Variants in EIF5A2 observed in about 807,000 individuals in gnomAD.
The protein encoded by EIF5A2 is eukaryotic translation initiation factor 5A2.
In EIF5A2, 15 loss-of-function variants were observed where a neutral mutation model predicts 16.4. The ratio of observed to expected loss-of-function variants is 0.92; its 90% CI spans 0.61 to 1.41. The LOEUF is 1.41. Ranked by LOEUF, EIF5A2 falls within the 40% of genes most tolerant of loss-of-function variation. The probability of loss-of-function intolerance (pLI) is 0.00; values close to 1 mark genes in which losing one functional copy is unlikely to be tolerated. For missense variants in EIF5A2, 144 were observed against 189.5 expected, an observed-to-expected ratio of 0.76 and a Z score of 1.41; for synonymous variants, 48 against 61.1, an observed-to-expected ratio of 0.79 and a Z score of 1.00.
rs371604205 is a variant in EIF5A2 at position 170,893,337 on chromosome 3, G to A, written c.*23C>T. The A allele has an allele frequency of 2.7e-4, 430 of 1,611,944 alleles. 1 individual carries two copies. The highest frequency in any genetic ancestry group is 7.0e-4 in the South Asian group (64 of 90,978). ...TCTGCAGTTGATTCAGACATAAACA[G>A]TGTTCATGCCTGATGTTTCCGTTTA... On this transcript the variant is annotated 3_prime_UTR_variant, in exon 5 of 5. Transcript: ENST00000295822.
chr3:170,905,517 C>T (rs35121009), intron 3 of EIF5A2, among the ~76,000 whole-genome samples: 25,736 of 152,140 alleles, frequency 0.17, 2,252 homozygotes, highest in Middle Eastern at 0.25. Flanking sequence ...TACTTTAAGA[C>T]GAAAAGAGAA....
At chr3:170,906,660 C>G (rs1712942234) in intron 3 of EIF5A2, among the ~76,000 whole-genome samples, 1 of 151,998 alleles carries the variant, frequency 6.6e-6, no homozygotes, top group South Asian at 2.1e-4. Context: ...TAAATTAGAA[C>G]AAGAAATATT....
Position 170,890,304 on chromosome 3 carries a change from A to G in EIF5A2, c.*3056T>C, listed in dbSNP as rs1712498041. On this transcript the variant is annotated 3_prime_UTR_variant, in exon 5 of 5. Transcript: ENST00000295822. ...TGCACATGCAAATTGCATTGTAATGAAAAATTGTGTCTCCAAATTTTACAG... is the reference window on the plus strand; with the variant it reads ...TGCACATGCAAATTGCATTGTAATGGAAAATTGTGTCTCCAAATTTTACAG... The G allele has an allele frequency of 6.6e-6, 1 of 152,170 alleles. No individual in the cohort carries two copies. Among genetic ancestry groups the G allele is most frequent in the Non-Finnish European group, 1.5e-5 (1 of 67,986 alleles). 9.4% of individuals were successfully genotyped at this position (152,170 alleles called of 1,614,324 possible).
intron 3 of EIF5A2, among the ~76,000 whole-genome samples, chr3:170,902,317 C>G (rs761997260): frequency 1.9e-4 from 28 of 151,028 alleles, no homozygotes; most frequent in Non-Finnish European, 3.5e-4. Context: ...GGAAGAACTT[C>G]AAGCACTGGA....
chr3:170,899,625 G>A (rs1444792991), intron 3 of EIF5A2, among the ~76,000 whole-genome samples: 4 of 151,746 alleles, frequency 2.6e-5, no homozygotes, highest in African/African-American at 9.7e-5. Context: ...ATGTCAATTT[G>A]TCCCATTACA....
intron 3 of EIF5A2, among the ~76,000 whole-genome samples, chr3:170,895,889 T>C (rs556287744): frequency 6.6e-6 from 1 of 152,348 alleles, no homozygotes; most frequent in South Asian, 2.1e-4. Context: ...TTGCCTAGGC[T>C]GGCCTCGAAC....
At chr3:170,902,006 T>C (rs1236143821) in intron 3 of EIF5A2, among the ~76,000 whole-genome samples, 1 of 152,164 alleles carries the variant, frequency 6.6e-6, no homozygotes, top group Non-Finnish European at 1.5e-5. Context: ...ACCCATCATC[T>C]GACCCATCAA....
At position 170,890,248 on chromosome 3, in the gene EIF5A2, GAACT is replaced by G. The variant is rs1023318458; in HGVS notation, c.*3108_*3111del. 2.0e-5 allele frequency: 3 copies of G among 151,880 alleles called. No individual in the cohort carries two copies. The highest frequency in any genetic ancestry group is 2.9e-5 in the Non-Finnish European group (2 of 67,910). The allele number at this position is 151,880 out of a possible 1,614,324, so 9.4% of individuals were successfully genotyped here. A position where few individuals can be genotyped will look rare whatever the true frequency, so the allele number is the denominator to read the frequency against. On this transcript the variant is annotated 3_prime_UTR_variant, in exon 5 of 5. Transcript: ENST00000295822. ...TTAAGAGTTGGGAGTTTGGAAAAAAGAACTAACATATAAAGTTATGTGCGCACAT... is the reference window on the plus strand; with the variant it reads ...TTAAGAGTTGGGAGTTTGGAAAAAAGAACATATAAAGTTATGTGCGCACAT...
At chr3:170,894,547 G>T in intron 3 of EIF5A2, 124 bp from the exon 4 acceptor site, 1 of 714,960 alleles carries the variant, frequency 1.4e-6, no homozygotes, top group South Asian at 3.4e-5. Context: ...TAATATTCTT[G>T]GTATTTAAAA....
intron 3 of EIF5A2, among the ~76,000 whole-genome samples, chr3:170,900,493 A>G (rs1163675098): frequency 2.0e-5 from 3 of 152,010 alleles, no homozygotes; most frequent in Non-Finnish European, 4.4e-5. Flanking sequence ...AAGCTGTTGT[A>G]CTAAAAAGCA....
intron 2 of EIF5A2, among the ~76,000 whole-genome samples, 187 bp downstream of exon 2, chr3:170,907,454 TA>T (rs1187844118): frequency 6.6e-6 from 1 of 152,204 alleles, no homozygotes; most frequent in African/African-American, 2.4e-5. Context: ...ATGAACATTG[TA>T]AGGGCCCAAG....
At chr3:170,900,636 C>T (rs372922565) in intron 3 of EIF5A2, among the ~76,000 whole-genome samples, 2 of 152,068 alleles carry the variant, frequency 1.3e-5, no homozygotes, top group African/African-American at 2.4e-5. Flanking sequence ...GATTGAAACA[C>T]AAATATGTTT....
At chr3:170,908,488 A>C (rs2108297775) in intron 1 of EIF5A2, 55 bp downstream of exon 1, 1 of 152,386 alleles carries the variant, frequency 6.6e-6, no homozygotes, top group East Asian at 1.9e-4. Context: ...GCCCTGCCTC[A>C]CTCTGGCCCC....
chr3:170,906,899 A>G, intron 3 of EIF5A2, 90 bp downstream of exon 3: 3 of 760,778 alleles, frequency 3.9e-6, no homozygotes, highest in Non-Finnish European at 5.9e-6. Flanking sequence ...CTACAAAACT[A>G]CTCTTGGGTT....
At chr3:170,894,241 C>T (rs1309513334) in intron 4 of EIF5A2, 51 bp downstream of exon 4, 1 of 1,591,726 alleles carries the variant, frequency 6.3e-7, no homozygotes, top group East Asian at 2.2e-5. Context: ...TAGTTGAGGT[C>T]AAAGTTTTTA....
intron 3 of EIF5A2, among the ~76,000 whole-genome samples, chr3:170,896,643 A>G (rs1712681604): frequency 6.6e-6 from 1 of 152,174 alleles, no homozygotes; most frequent in Non-Finnish European, 1.5e-5. Context: ...CTGTGACTCA[A>G]TTAAATTTCT....
chr3:170,907,160 G>T, intron 2 of EIF5A2, 67 bp from the exon 3 acceptor site: 1 of 986,974 alleles, frequency 1.0e-6, no homozygotes, highest in Non-Finnish European at 1.6e-6. Flanking sequence ...ACACACAAGA[G>T]CACAATACCA....
In EIF5A2 at chr3:170,895,008, A is replaced by G. The variant is rs548648486; in HGVS notation, c.271-585T>C. 4.9e-4 allele frequency among the ~76,000 whole-genome samples: 69 copies of G among 141,466 alleles called. No individual in the cohort carries two copies. In the South Asian group the frequency reaches 6.8e-3, roughly 14 times the overall value. The allele number at this position is 141,466 out of a possible 152,430, so 92.8% of individuals were successfully genotyped here. A position where few individuals can be genotyped will look rare whatever the true frequency, so the allele number is the denominator to read the frequency against. On this transcript the variant is annotated intron_variant, in intron 3 of 4. Coordinates refer to ENST00000295822, the MANE Select transcript of EIF5A2 (RefSeq NM_020390.6). ...GCCCCTGCACTCCAGCCTGGGCGAC[A>G]GAGCGAGACTCTGTCTCAAAAAAAA...
In EIF5A2 at chr3:170,888,990, T is replaced by G. The variant is rs929035585; in HGVS notation, c.*4370A>C. The G allele has an allele frequency of 1.3e-5, 2 of 151,350 alleles. No homozygotes were observed. The highest frequency in any genetic ancestry group is 4.9e-5 in the African/African-American group (2 of 41,218). 9.4% of individuals were successfully genotyped at this position (151,350 alleles called of 1,614,324 possible). ...GTGCAATCTTGAACTAAGATAAACTTAAGTCTATCAATACCAAGAAACAGT... is the reference window on the plus strand; with the variant it reads ...GTGCAATCTTGAACTAAGATAAACTGAAGTCTATCAATACCAAGAAACAGT... On this transcript the variant is annotated 3_prime_UTR_variant, in exon 5 of 5. Transcript: ENST00000295822.
Sources: gnomAD v4.1 joint callset for allele counts (sites outside exome capture counted in the v4.1 genomes callset) on GRCh38, gnomAD v4.1.1 for gene constraint, MANE v1.5 for transcripts, NCBI Gene and HGNC (gene_info 2026-07-23, HGNC 2026-07-21) for gene names.